OSBPL8: variants seen among roughly 807,000 people sequenced by gnomAD.
OSBPL8 encodes the protein oxysterol binding protein like 8, also known as oxysterol-binding protein-related protein 8.
Under a neutral mutation model 125.5 loss-of-function variants are expected in OSBPL8, and 59 were observed. The observed-to-expected ratio is 0.47, with a 90% CI of 0.38 to 0.58. OSBPL8 has a LOEUF of 0.58. OSBPL8 is among the 20% of genes least tolerant of loss of function. OSBPL8 has a pLI of 0.00. For missense variants in OSBPL8, 758 were observed against 1,047.8 expected (o/e 0.72, Z 3.82); for synonymous variants, 330 against 338.9 (o/e 0.97, Z 0.29).
intron 14 of OSBPL8, 60 bp downstream of exon 14, chr12:76,386,108 T>C: frequency 6.5e-7 from 1 of 1,546,876 alleles, no homozygotes; most frequent in Non-Finnish European, 8.7e-7. Flanking sequence ...AAATATTTTC[T>C]ATAAAAATAT....
At chr12:76,531,427 A>C (rs1385439201) in intron 1 of OSBPL8, among the ~76,000 whole-genome samples, 1 of 152,232 alleles carries the variant, frequency 6.6e-6, no homozygotes, top group African/African-American at 2.4e-5. Flanking sequence ...TCAGGTTATA[A>C]AAACTAGTCC....
intron 5 of OSBPL8, among the ~76,000 whole-genome samples, chr12:76,407,757 TTAAC>T (rs1261176717): frequency 1.3e-5 from 2 of 152,206 alleles, no homozygotes; most frequent in Non-Finnish European, 2.9e-5. Flanking sequence ...AAATAAATTC[TTAAC>T]TATCTACTGT....
At chr12:76,435,383 T>C (rs973303672) in intron 4 of OSBPL8, among the ~76,000 whole-genome samples, 1 of 152,052 alleles carries the variant, frequency 6.6e-6, no homozygotes, top group Non-Finnish European at 1.5e-5. Context: ...AGAATAGTGG[T>C]TGCTAGAGGT....
At chr12:76,388,065 T>C (rs1425853872) in intron 12 of OSBPL8, among the ~76,000 whole-genome samples, 1 of 152,222 alleles carries the variant, frequency 6.6e-6, no homozygotes, top group Non-Finnish European at 1.5e-5. Flanking sequence ...ACCTTGCTTT[T>C]TTCACACACA....
chr12:76,509,226 A>G (rs1400740003), intron 1 of OSBPL8, among the ~76,000 whole-genome samples: 1 of 152,178 alleles, frequency 6.6e-6, no homozygotes, highest in African/African-American at 2.4e-5. Flanking sequence ...CCAATGGGCT[A>G]TAGCATATAG....
intron 2 of OSBPL8, among the ~76,000 whole-genome samples, chr12:76,472,367 CTG>C (rs1876247857): frequency 6.6e-6 from 1 of 152,240 alleles, no homozygotes; most frequent in Non-Finnish European, 1.5e-5. Flanking sequence ...GCTACCACTA[CTG>C]TAGGGACCAG....
chr12:76,385,419 T>C (rs1953268006), intron 14 of OSBPL8, among the ~76,000 whole-genome samples: 2 of 152,288 alleles, frequency 1.3e-5, no homozygotes, highest in South Asian at 4.1e-4. Context: ...AAATATTTTC[T>C]GTCTGTATAC....
intron 2 of OSBPL8, among the ~76,000 whole-genome samples, chr12:76,461,376 G>A (rs1194227792): frequency 2.0e-5 from 3 of 152,134 alleles, no homozygotes; most frequent in South Asian, 2.1e-4. Flanking sequence ...AAAGAACTAC[G>A]GTGTTAGTGA....
intron 4 of OSBPL8, among the ~76,000 whole-genome samples, chr12:76,445,086 T>TA (rs1391930323): frequency 2.6e-5 from 4 of 152,184 alleles, no homozygotes; most frequent in Non-Finnish European, 5.9e-5. Context: ...CCAAAGTATG[T>TA]AAAAAATAAT....
At chr12:76,474,073 G>C (rs1876503718) in intron 2 of OSBPL8, among the ~76,000 whole-genome samples, 1 of 152,112 alleles carries the variant, frequency 6.6e-6, no homozygotes, top group Non-Finnish European at 1.5e-5. Context: ...AATAAAACCT[G>C]CTCTAAACAC....
At chr12:76,431,440 T>C (rs1376367936) in intron 4 of OSBPL8, among the ~76,000 whole-genome samples, 1 of 152,116 alleles carries the variant, frequency 6.6e-6, no homozygotes, top group Non-Finnish European at 1.5e-5. Flanking sequence ...TAAAGTTAAA[T>C]GGACTAAAAT....
intron 4 of OSBPL8, among the ~76,000 whole-genome samples, chr12:76,422,082 A>G (rs1290744690): frequency 1.3e-5 from 2 of 152,172 alleles, no homozygotes; most frequent in Admixed American, 6.5e-5. Context: ...TAAAGCTTAC[A>G]TTAAACATCA....
chr12:76,448,463 C>T (rs192432406), intron 4 of OSBPL8, among the ~76,000 whole-genome samples: 1 of 151,738 alleles, frequency 6.6e-6, no homozygotes, highest in Non-Finnish European at 1.5e-5. Context: ...CAAAAAAAAA[C>T]CAGGTCAGTT....
chr12:76,542,407 T>C (rs1950672357), intron 1 of OSBPL8, among the ~76,000 whole-genome samples: 1 of 152,150 alleles, frequency 6.6e-6, no homozygotes, highest in Non-Finnish European at 1.5e-5. Context: ...TAGAACTTTC[T>C]CTTGCATTCA....
intron 1 of OSBPL8, among the ~76,000 whole-genome samples, chr12:76,506,101 A>C (rs993206089): frequency 5.9e-5 from 9 of 152,236 alleles, no homozygotes; most frequent in Non-Finnish European, 5.9e-5. Context: ...AAAAGAATTT[A>C]TTGATGAATC....
intron 4 of OSBPL8, among the ~76,000 whole-genome samples, chr12:76,420,297 A>G (rs970168670): frequency 6.6e-6 from 1 of 152,300 alleles, no homozygotes; most frequent in South Asian, 2.1e-4. Flanking sequence ...AAAATGTACA[A>G]TCTATAGATG....
chr12:76,401,445 A>G (rs928877496), intron 6 of OSBPL8, among the ~76,000 whole-genome samples: 12 of 152,212 alleles, frequency 7.9e-5, no homozygotes, highest in African/African-American at 2.9e-4. Context: ...TAAGCACTTT[A>G]CTTGTATTGT....
intron 2 of OSBPL8, among the ~76,000 whole-genome samples, chr12:76,475,474 G>C (rs1482784248): frequency 6.6e-6 from 1 of 152,086 alleles, no homozygotes; most frequent in Non-Finnish European, 1.5e-5. Context: ...TTTTTCAGGT[G>C]GTCCCTTAAT....
intron 1 of OSBPL8, among the ~76,000 whole-genome samples, chr12:76,537,738 G>A (rs920402164): frequency 7.9e-5 from 12 of 152,020 alleles, no homozygotes; most frequent in African/African-American, 1.7e-4. Context: ...GTAAAACCCC[G>A]TCTCCACTAA....
Sources: allele counts gnomAD v4.1 joint callset (sites outside exome capture counted in the v4.1 genomes callset), GRCh38; gene constraint gnomAD v4.1.1; transcripts MANE v1.5; gene names NCBI Gene and HGNC (gene_info 2026-07-23, HGNC 2026-07-21).